The following DMD variants were observed in gnomAD, a reference collection of about 807,000 sequenced individuals.
DMD encodes mutant dystrophin.
DMD carries 63 observed loss-of-function variants against 330.1 expected under a neutral mutation model. The observed-to-expected ratio is 0.19, with a 90% CI of 0.16 to 0.24. The LOEUF (loss-of-function observed/expected upper bound fraction) is 0.24. Ranked by LOEUF, DMD falls within the 10% of genes least tolerant of loss-of-function variation. DMD has a pLI of 1.00. For missense variants in DMD, 3,344 were observed against 2,684.1 expected (o/e 1.25, Z -5.43); for synonymous variants, 1,223 against 959.8 (o/e 1.27, Z -5.07).
intron 44 of DMD, among the ~76,000 whole-genome samples, chrX:32,077,119 G>C (rs144218433): frequency 0.014 from 1,568 of 111,306 alleles, 34 homozygotes; most frequent in African/African-American, 0.047. Flanking sequence ...TATGGTATTA[G>C]AAATCACGAT....
chrX:32,537,895 C>A (rs1380434509), intron 17 of DMD, among the ~76,000 whole-genome samples: 1 of 112,138 alleles, frequency 8.9e-6, no homozygotes, highest in Non-Finnish European at 1.9e-5. Flanking sequence ...TTTCACATAG[C>A]TACTGTAGCC....
At chrX:33,116,493 GA>G (rs1415953509) in intron 1 of DMD, among the ~76,000 whole-genome samples, 1 of 110,223 alleles carries the variant, frequency 9.1e-6, no homozygotes, top group Non-Finnish European at 1.9e-5. Context: ...GGATGACAGA[GA>G]AAAAAAATGC....
Position 31,386,505 on chromosome X carries a change from T to A in DMD, c.9085-37871A>T, listed in dbSNP as rs1228476204. Reference sequence around the variant, plus strand: ...GCCTTCCCCTTTGGGTTCTGTATTATGTAATCATAGCACTTTTAATGCCTT... The same window carrying A: ...GCCTTCCCCTTTGGGTTCTGTATTAAGTAATCATAGCACTTTTAATGCCTT... On this transcript the variant is annotated intron_variant, in intron 60 of 78. Coordinates refer to ENST00000357033, the MANE Select transcript of DMD (RefSeq NM_004006.3). 5.3e-5 allele frequency among the ~76,000 whole-genome samples: 6 copies of A among 112,289 alleles called. 1 individual carries two copies. The highest frequency in any genetic ancestry group is 1.1e-4 in the Non-Finnish European group (6 of 53,275).
Position 32,441,225 on chromosome X carries a change from A to G in DMD, c.3876T>C (p.Thr1292=), listed in dbSNP as rs1211843034. The G allele has an allele frequency of 8.3e-7, 1 of 1,207,060 alleles. No homozygotes were observed. Among genetic ancestry groups the G allele is most frequent in the African/African-American group, 1.8e-5 (1 of 57,091 alleles). Residue 1292 remains threonine (T), a synonymous_variant, in exon 28 of 79, where the codon ACT becomes ACC. Transcript: ENST00000357033. The stretch of plus-strand genomic sequence containing the variant: ...CCTCAGCTCCGCCAGGAATGTTTTC[A>G]GTGGTTTTAAGTTTAAATTCTACTT... ...LNEVEFKLKT[T]ENIPGGAEEI...
intron 25 of DMD, 94 bp downstream of exon 25, chrX:32,463,345 C>A: frequency 1.1e-6 from 1 of 876,708 alleles, no homozygotes; most frequent in South Asian, 3.4e-5. Context: ...AACATAGGAA[C>A]AAAGCCTTAA....
intron 51 of DMD, among the ~76,000 whole-genome samples, chrX:31,750,850 C>T (rs1425370861): frequency 1.0e-5 from 1 of 100,146 alleles, no homozygotes; most frequent in African/African-American, 3.7e-5. Context: ...TATACACCAA[C>T]GACAGACAAA....
chrX:31,815,193 T>C (rs753820621), intron 50 of DMD, among the ~76,000 whole-genome samples: 4 of 112,372 alleles, frequency 3.6e-5, no homozygotes, highest in Non-Finnish European at 5.6e-5. Flanking sequence ...CTCACGCCTG[T>C]AATCCCAGCA....
chrX:32,994,063 G>T (rs912531152), intron 2 of DMD, among the ~76,000 whole-genome samples: 6 of 109,563 alleles, frequency 5.5e-5, no homozygotes, highest in Non-Finnish European at 9.5e-5. Context: ...GGGTGGGGGG[G>T]AATGTAGCAA....
At chrX:33,061,203 C>CT (rs1475840218) in intron 1 of DMD, among the ~76,000 whole-genome samples, 1 of 112,251 alleles carries the variant, frequency 8.9e-6, no homozygotes, top group Admixed American at 9.5e-5. Flanking sequence ...ACGTTATTCT[C>CT]TTTTATATCC....
At chrX:32,749,865 A>G (rs115426341) in intron 7 of DMD, among the ~76,000 whole-genome samples, 2,002 of 112,528 alleles carry the variant, frequency 0.018, 48 homozygotes, top group African/African-American at 0.061. Flanking sequence ...GGCTAACACC[A>G]CACATAGCAA....
At chrX:32,577,309 C>A (rs924155307) in intron 13 of DMD, among the ~76,000 whole-genome samples, 1 of 111,917 alleles carries the variant, frequency 8.9e-6, no homozygotes, top group African/African-American at 3.3e-5. Flanking sequence ...CTTCTGGCCC[C>A]CAGAATGGTG....
chrX:31,515,899 T>G (rs16989689), intron 55 of DMD, among the ~76,000 whole-genome samples: 2,185 of 112,463 alleles, frequency 0.019, 68 homozygotes, highest in African/African-American at 0.067. Flanking sequence ...AATGACCAAA[T>G]GACTGTTATT....
At chrX:32,038,708 T>C (rs2095973174) in intron 44 of DMD, among the ~76,000 whole-genome samples, 1 of 110,703 alleles carries the variant, frequency 9.0e-6, no homozygotes, top group African/African-American at 3.3e-5. Context: ...CAGGGAAACA[T>C]GCCAATGAAA....
chrX:32,948,453 G>A (rs1423822875), intron 2 of DMD, among the ~76,000 whole-genome samples: 1 of 111,873 alleles, frequency 8.9e-6, no homozygotes, highest in Non-Finnish European at 1.9e-5. Flanking sequence ...AAGAGGAACC[G>A]GCATTTCTTT....
chrX:31,744,542 C>T (rs1474000033), intron 51 of DMD, among the ~76,000 whole-genome samples: 3 of 112,267 alleles, frequency 2.7e-5, no homozygotes, highest in Non-Finnish European at 1.9e-5. Context: ...TGGAATCCTT[C>T]GAACTTCCAC....
chrX:32,457,656 C>T (rs764791063), intron 25 of DMD, among the ~76,000 whole-genome samples: 31 of 108,009 alleles, frequency 2.9e-4, no homozygotes, highest in East Asian at 8.8e-4. Context: ...AGTGGGAGTA[C>T]TGCAACTTCT....
intron 44 of DMD, among the ~76,000 whole-genome samples, chrX:32,196,136 A>G (rs1308631964): frequency 8.9e-6 from 1 of 112,462 alleles, no homozygotes; most frequent in African/African-American, 3.2e-5. Flanking sequence ...TTTGGAAAAA[A>G]ATGTACATTT....
At chrX:31,851,384 T>C (rs1305049802) in intron 48 of DMD, among the ~76,000 whole-genome samples, 1 of 111,944 alleles carries the variant, frequency 8.9e-6, no homozygotes, top group African/African-American at 3.2e-5. Flanking sequence ...GAAAGTGTTG[T>C]GAAACTGTGA....
chrX:32,502,432 C>T (rs1326267808), intron 18 of DMD, among the ~76,000 whole-genome samples: 1 of 111,429 alleles, frequency 9.0e-6, no homozygotes, highest in African/African-American at 3.3e-5. Context: ...TTCTGAATTC[C>T]TTTATTTCCC....
Sources: allele counts gnomAD v4.1 joint callset (sites outside exome capture counted in the v4.1 genomes callset), GRCh38; gene constraint gnomAD v4.1.1; transcripts MANE v1.5; gene names NCBI Gene and HGNC (gene_info 2026-07-23, HGNC 2026-07-21).